Variants in MAPKAPK3 observed in about 807,000 individuals in gnomAD.
MAPKAPK3 encodes MAPK activated protein kinase 3.
MAPKAPK3 carries 35 observed loss-of-function variants against 49.2 expected under a neutral mutation model. That is an observed-to-expected ratio of 0.71 (90% confidence interval 0.54 to 0.94). MAPKAPK3 has a LOEUF of 0.94. Ranked by LOEUF, MAPKAPK3 falls within the 40% of genes least tolerant of loss-of-function variation. The probability of loss-of-function intolerance (pLI) is 0.00; values close to 1 mark genes in which losing one functional copy is unlikely to be tolerated. For synonymous variants in MAPKAPK3, 178 were observed against 188.7 expected (o/e 0.94, Z 0.46); for missense variants, 398 against 493.1 (o/e 0.81, Z 1.83).
At chr3:50,613,490 A>G (rs2032390314), upstream of MAPKAPK3, among the ~76,000 whole-genome samples, 1 of 152,120 alleles carries the variant, frequency 6.6e-6, no homozygotes, top group South Asian at 2.1e-4. Context: ...ACCCACTTTG[A>G]GGGCTGGGAT....
chr3:50,628,013 G>C (rs770756592), intron 2 of MAPKAPK3, among the ~76,000 whole-genome samples: 1 of 152,180 alleles, frequency 6.6e-6, no homozygotes, highest in South Asian at 2.1e-4. Flanking sequence ...GTCAGTGTTG[G>C]GGGTGGGGAT....
chr3:50,646,292 A>G (rs1285121894), intron 8 of MAPKAPK3, 28 bp downstream of exon 8: 1 of 1,613,136 alleles, frequency 6.2e-7, no homozygotes, highest in African/African-American at 1.3e-5. Flanking sequence ...TCCCAGCCTG[A>G]CTCACCTGGC....
intron 2 of MAPKAPK3, among the ~76,000 whole-genome samples, chr3:50,626,425 C>T (rs923531936): frequency 3.3e-5 from 5 of 152,170 alleles, no homozygotes; most frequent in Non-Finnish European, 5.9e-5. Context: ...TGCACCTGAC[C>T]ACCCTTGCCC....
Position 50,632,345 on chromosome 3 carries a change from C to T in MAPKAPK3, c.220-8021C>T, listed in dbSNP as rs568079585. 1.5e-4 allele frequency among the ~76,000 whole-genome samples: 23 copies of T among 152,336 alleles called. 1 individual carries two copies. The East Asian group carries it at 4.0e-3, about 27-fold the overall frequency. On this transcript the variant is annotated intron_variant, in intron 2 of 10. Coordinates refer to ENST00000621469, the MANE Select transcript of MAPKAPK3 (RefSeq NM_001243925.2). ...GAAGCTCAGAATTATAATTTGTCCT[C>T]ATTTATAGTTATGAACTTACATGGG... is the stretch of plus-strand genomic sequence containing the variant.
Position 50,646,837 on chromosome 3 carries a change from C to G in MAPKAPK3, c.915+12C>G, listed in dbSNP as rs752003378. On this transcript the variant is annotated intron_variant, in intron 9 of 10. Transcript: ENST00000621469. ...ACCCCTGGATCAACGTGAGCCCCTC[C>G]TCCTCCCATGGCAGGCAGGGTGTCC... 1 of 1,613,388 alleles carries G rather than the reference C, an allele frequency of 6.2e-7. No homozygotes were observed. The highest frequency in any genetic ancestry group is 8.5e-7 in the Non-Finnish European group (1 of 1,179,542).
chr3:50,628,181 C>T (rs144144724), intron 2 of MAPKAPK3, among the ~76,000 whole-genome samples: 107 of 152,316 alleles, frequency 7.0e-4, no homozygotes, highest in Non-Finnish European at 1.4e-3. Flanking sequence ...TGGGTCCCCT[C>T]TCTCCAGAGC....
chr3:50,643,881 C>G (rs2033230607), intron 5 of MAPKAPK3, among the ~76,000 whole-genome samples: 1 of 152,092 alleles, frequency 6.6e-6, no homozygotes, highest in African/African-American at 2.4e-5. Context: ...GACCTCCCTA[C>G]TGCCCTCATC....
chr3:50,624,923 A>G (rs2107578172), intron 2 of MAPKAPK3, among the ~76,000 whole-genome samples: 1 of 152,298 alleles, frequency 6.6e-6, no homozygotes, highest in Middle Eastern at 3.4e-3. Context: ...TCCTGTGAGC[A>G]CTGGTGTTTT....
chr3:50,627,829 G>T (rs981539042), intron 2 of MAPKAPK3, among the ~76,000 whole-genome samples: 11 of 152,156 alleles, frequency 7.2e-5, no homozygotes, highest in African/African-American at 2.2e-4. Flanking sequence ...GGGGAGAGGG[G>T]CCAGGGGCCA....
At chr3:50,625,659 C>G (rs2032719409) in intron 2 of MAPKAPK3, among the ~76,000 whole-genome samples, 1 of 152,316 alleles carries the variant, frequency 6.6e-6, no homozygotes, top group Non-Finnish European at 1.5e-5. Context: ...GCCTTCTCCT[C>G]ATGGCACTAG....
In MAPKAPK3 at chr3:50,647,066, C is replaced by A; in HGVS notation, c.916-57C>A. Reference sequence around the variant, plus strand: ...GGAGAAGAGGATGGAGTAGGGGGAACCAGTGCTGTCCCAGGTGCCTCCAGT... The same window carrying A: ...GGAGAAGAGGATGGAGTAGGGGGAAACAGTGCTGTCCCAGGTGCCTCCAGT... On this transcript the variant is annotated intron_variant, in intron 9 of 10. Coordinates refer to ENST00000621469, the MANE Select transcript of MAPKAPK3 (RefSeq NM_001243925.2). 4 of 1,400,522 alleles carry A rather than the reference C, an allele frequency of 2.9e-6. No homozygotes were observed. The South Asian group carries it at 5.0e-5, about 17-fold the overall frequency. The allele number at this position is 1,400,522 out of a possible 1,614,324, so 86.8% of individuals were successfully genotyped here.
At chr3:50,618,330 A>G (rs1021972304) in intron 2 of MAPKAPK3, among the ~76,000 whole-genome samples, 3 of 151,518 alleles carry the variant, frequency 2.0e-5, no homozygotes, top group African/African-American at 7.3e-5. Flanking sequence ...CTGCTGATAG[A>G]CTCCTGACGA....
At chr3:50,639,306 G>T (rs377324855) in intron 2 of MAPKAPK3, among the ~76,000 whole-genome samples, 98 of 152,290 alleles carry the variant, frequency 6.4e-4, no homozygotes, top group African/African-American at 2.3e-3. Flanking sequence ...CCACTCAGCT[G>T]TCATCTCCCT....
At chr3:50,646,037 G>T in intron 7 of MAPKAPK3, 103 bp from the exon 8 acceptor site, 1 of 1,417,892 alleles carries the variant, frequency 7.1e-7, no homozygotes, top group Non-Finnish European at 9.7e-7. Flanking sequence ...TTATTGCTAT[G>T]GTGTCTGGTT....
intron 2 of MAPKAPK3, among the ~76,000 whole-genome samples, chr3:50,630,445 G>A (rs995499961): frequency 6.6e-6 from 1 of 152,212 alleles, no homozygotes; most frequent in African/African-American, 2.4e-5. Context: ...TGCAAACCAC[G>A]TGACCCAGAG....
chr3:50,634,025 A>T (rs2032974191), intron 2 of MAPKAPK3, among the ~76,000 whole-genome samples: 1 of 152,204 alleles, frequency 6.6e-6, no homozygotes, highest in East Asian at 1.9e-4. Context: ...GCTGGGGCTC[A>T]CTAGCTGGTG....
At chr3:50,630,222 A>G (rs541651602) in intron 2 of MAPKAPK3, among the ~76,000 whole-genome samples, 2 of 151,366 alleles carry the variant, frequency 1.3e-5, no homozygotes, top group African/African-American at 4.9e-5. Context: ...TGTAGATGTC[A>G]TCATCAAGCA....
intron 2 of MAPKAPK3, among the ~76,000 whole-genome samples, chr3:50,631,505 A>G (rs187126659): frequency 1.3e-5 from 2 of 152,340 alleles, no homozygotes; most frequent in East Asian, 1.9e-4. Flanking sequence ...GCAGCTCACA[A>G]GGGTCACACT....
intron 2 of MAPKAPK3, among the ~76,000 whole-genome samples, chr3:50,639,861 G>A (rs1013144560): frequency 6.6e-5 from 10 of 152,150 alleles, no homozygotes; most frequent in African/African-American, 2.4e-4. Context: ...GATGCCCAGG[G>A]TGAGAATCAC....
Sources: gnomAD v4.1 joint callset for allele counts (sites outside exome capture counted in the v4.1 genomes callset) on GRCh38, gnomAD v4.1.1 for gene constraint, MANE v1.5 for transcripts, NCBI Gene and HGNC (gene_info 2026-07-23, HGNC 2026-07-21) for gene names.